SHQ1: variants seen among roughly 807,000 people sequenced by gnomAD.
SHQ1 encodes SHQ1, H/ACA ribonucleoprotein assembly factor, also known as protein SHQ1 homolog.
A neutral mutation model predicts 53.8 loss-of-function variants in SHQ1; 49 were observed. That is an observed-to-expected ratio of 0.91 (90% CI 0.72 to 1.16). SHQ1 has a LOEUF of 1.16. Among genes scored for constraint, SHQ1 ranks in the 50% most tolerant of loss-of-function variants. The pLI is 0.00. For synonymous variants in SHQ1, 243 were observed against 251.0 expected (o/e 0.97, Z 0.30); for missense variants, 738 against 683.1 (o/e 1.08, Z -0.90).
intron 10 of SHQ1, among the ~76,000 whole-genome samples, chr3:72,781,724 T>C (rs562484110): frequency 1.3e-5 from 2 of 152,086 alleles, no homozygotes; most frequent in South Asian, 2.1e-4. Flanking sequence ...TCTTTGAAAA[T>C]AGGAATGGCT....
intron 10 of SHQ1, among the ~76,000 whole-genome samples, chr3:72,789,577 T>C (rs753727375): frequency 3.3e-5 from 5 of 152,246 alleles, no homozygotes; most frequent in Non-Finnish European, 7.3e-5. Context: ...TAGAATTGAT[T>C]TATATTTTTA....
intron 9 of SHQ1, among the ~76,000 whole-genome samples, chr3:72,802,984 T>C (rs1706834821): frequency 6.6e-6 from 1 of 152,140 alleles, no homozygotes; most frequent in Admixed American, 6.5e-5. Flanking sequence ...TCTTAGAACC[T>C]GTATCAGGTT....
intron 10 of SHQ1, among the ~76,000 whole-genome samples, chr3:72,759,188 C>T (rs879447303): frequency 1.2e-4 from 18 of 152,172 alleles, no homozygotes; most frequent in African/African-American, 4.3e-4. Context: ...TGCAATGACT[C>T]TATTTCTAAA....
intron 10 of SHQ1, among the ~76,000 whole-genome samples, chr3:72,768,755 A>G (rs1033684161): frequency 1.3e-5 from 2 of 152,176 alleles, no homozygotes; most frequent in African/African-American, 2.4e-5. Flanking sequence ...TAAGCAGCCT[A>G]TTTGCTGCTT....
At chr3:72,776,135 T>G (rs1705953867) in intron 10 of SHQ1, among the ~76,000 whole-genome samples, 1 of 152,184 alleles carries the variant, frequency 6.6e-6, no homozygotes, top group Non-Finnish European at 1.5e-5. Context: ...TGGACAGAAA[T>G]GATACATAAG....
At chr3:72,789,247 C>T (rs1249031415) in intron 10 of SHQ1, among the ~76,000 whole-genome samples, 1 of 152,144 alleles carries the variant, frequency 6.6e-6, no homozygotes, top group Non-Finnish European at 1.5e-5. Flanking sequence ...GAATGTATTA[C>T]AGTTCATTAT....
chr3:72,846,101 C>T (rs879766442), intron 1 of SHQ1: 7 of 1,028,694 alleles, frequency 6.8e-6, no homozygotes, highest in Non-Finnish European at 4.3e-6. Flanking sequence ...GCTTAGTGGC[C>T]GGCACAACAG....
At chr3:72,731,387 A>T in the SHQ1 span, among the ~76,000 whole-genome samples, 18 of 140,040 alleles carry the variant, frequency 1.3e-4, no homozygotes, top group East Asian at 1.6e-3. Context: ...AAGTTTTTTT[A>T]AAAAATCCTC....
intron 4 of SHQ1, among the ~76,000 whole-genome samples, chr3:72,837,407 AT>A (rs1200900204): frequency 8.5e-5 from 13 of 152,208 alleles, no homozygotes; most frequent in African/African-American, 2.9e-4. Context: ...AAATTATTCA[AT>A]GAAGAAAAGA....
chr3:72,755,604 A>T (rs1705482774), intron 10 of SHQ1, among the ~76,000 whole-genome samples: 2 of 152,218 alleles, frequency 1.3e-5, no homozygotes, highest in Admixed American at 1.3e-4. Flanking sequence ...ATAACCTAGC[A>T]ATCACTGTTC....
intron 6 of SHQ1, among the ~76,000 whole-genome samples, chr3:72,818,108 T>C (rs753137635): frequency 3.3e-5 from 5 of 151,962 alleles, no homozygotes; most frequent in Non-Finnish European, 5.9e-5. Context: ...CACACAAGCA[T>C]ACCTACTAGG....
chr3:72,791,204 C>G (rs895074928), intron 10 of SHQ1, among the ~76,000 whole-genome samples: 2 of 152,068 alleles, frequency 1.3e-5, no homozygotes, highest in South Asian at 4.1e-4. Context: ...AAAACCAAAA[C>G]CCACACAAAT....
At chr3:72,745,987 C>A (rs549083445), downstream of SHQ1, among the ~76,000 whole-genome samples, 6 of 152,094 alleles carry the variant, frequency 3.9e-5, no homozygotes, top group African/African-American at 1.4e-4. Context: ...ATTACACGGG[C>A]CCGCCACCAC....
At chr3:72,790,830 T>C (rs1204061844) in intron 10 of SHQ1, among the ~76,000 whole-genome samples, 5 of 152,198 alleles carry the variant, frequency 3.3e-5, no homozygotes, top group South Asian at 4.1e-4. Context: ...ATTGGTAAAG[T>C]TGAAAAAACA....
chr3:72,771,162 A>G (rs1705840790), intron 10 of SHQ1, among the ~76,000 whole-genome samples: 1 of 152,196 alleles, frequency 6.6e-6, no homozygotes, highest in Non-Finnish European at 1.5e-5. Flanking sequence ...GAAAACAGAG[A>G]ATGCTCACTC....
chr3:72,779,712 A>C (rs1443015219), intron 10 of SHQ1, among the ~76,000 whole-genome samples: 1 of 152,234 alleles, frequency 6.6e-6, no homozygotes, highest in Non-Finnish European at 1.5e-5. Context: ...ACCTAGGATA[A>C]CAAGACCCCA....
rs755038200 is a variant in SHQ1 at position 72,848,225 on chromosome 3, T to C, written c.116A>G (p.Lys39Arg). ...GAGAAAGTATGGCTTGGCGTAGAAC[T>C]TGAAGTCAGACCCCTCGAAGTAGAC... ...FDVYFEGSDFKFYAKPYFLRL... is the reference protein window; with the variant it reads ...FDVYFEGSDFRFYAKPYFLRL... Residue 39 changes from lysine (K) to arginine (R), a missense_variant, in exon 1 of 11, where the codon AAG (lysine) becomes AGG (arginine). Physicochemically the swap from Lys to Arg is conservative, Grantham distance 26 (BLOSUM62 2). Transcript: ENST00000325599. 2.3e-5 allele frequency: 37 copies of C among 1,614,042 alleles called. No individual in the cohort carries two copies. The highest frequency in any genetic ancestry group is 2.5e-6 in the Non-Finnish European group (3 of 1,180,040).
At chr3:72,759,472 C>T (rs535902061) in intron 10 of SHQ1, among the ~76,000 whole-genome samples, 79 of 152,260 alleles carry the variant, frequency 5.2e-4, no homozygotes, top group African/African-American at 1.9e-3. Flanking sequence ...GGGCGGATCA[C>T]TTGAGGTCAG....
At chr3:72,765,119 T>C (rs1287777365) in intron 10 of SHQ1, among the ~76,000 whole-genome samples, 1 of 152,202 alleles carries the variant, frequency 6.6e-6, no homozygotes, top group Non-Finnish European at 1.5e-5. Flanking sequence ...GCCCCCCTTC[T>C]AGGTCAGACT....
Sources: allele counts gnomAD v4.1 joint callset (sites outside exome capture counted in the v4.1 genomes callset), GRCh38; gene constraint gnomAD v4.1.1; transcripts MANE v1.5; gene names NCBI Gene and HGNC (gene_info 2026-07-23, HGNC 2026-07-21).